The following EXOC4 variants were observed in gnomAD, a reference collection of about 807,000 sequenced individuals.
EXOC4 encodes exocyst complex component 4, also known as SEC8-like 1.
In EXOC4, 71 loss-of-function variants were observed where a neutral mutation model predicts 107.2. The observed-to-expected ratio is 0.66, with a 90% CI of 0.55 to 0.81. EXOC4 has a LOEUF of 0.81. Among genes scored for constraint, EXOC4 ranks in the 30% least tolerant of loss-of-function variants. The pLI is 0.00. For missense variants in EXOC4, 1,108 were observed against 1,189.6 expected, an observed-to-expected ratio of 0.93 and a Z score of 1.01; for synonymous variants, 456 against 441.2, an observed-to-expected ratio of 1.03 and a Z score of -0.42.
chr7:133,705,413 T>G (rs1429049894), intron 10 of EXOC4, among the ~76,000 whole-genome samples: 1 of 152,190 alleles, frequency 6.6e-6, no homozygotes, highest in Non-Finnish European at 1.5e-5. Context: ...TCTAAAATTA[T>G]AAATGTACTG....
chr7:133,464,818 T>G (rs1399139545), intron 7 of EXOC4, among the ~76,000 whole-genome samples: 16 of 116,306 alleles, frequency 1.4e-4, no homozygotes, highest in Admixed American at 8.2e-4. Flanking sequence ...TTGGTTTTTT[T>G]TTTTTTTTTT....
chr7:133,788,003 A>ATATATATATATATATATATATATATATT (rs1796624166), intron 10 of EXOC4, among the ~76,000 whole-genome samples: 1 of 96,906 alleles, frequency 1.0e-5, no homozygotes, highest in Non-Finnish European at 2.1e-5. Context: ...ATATATATAT[A>ATATATATATATATATATATATATATATT]TATATATATG....
chr7:134,050,592 G>T (rs914932203), intron 17 of EXOC4, among the ~76,000 whole-genome samples: 7 of 152,154 alleles, frequency 4.6e-5, no homozygotes, highest in Non-Finnish European at 8.8e-5. Context: ...GCTTCATAGA[G>T]GGTAGAGGAT....
intron 10 of EXOC4, among the ~76,000 whole-genome samples, chr7:133,671,854 A>C (rs1253709609): frequency 6.6e-6 from 1 of 152,210 alleles, no homozygotes. Flanking sequence ...GGAAGACTAC[A>C]GGAAGAAGCT....
chr7:133,614,524 T>C (rs1347588887), intron 9 of EXOC4, among the ~76,000 whole-genome samples: 2 of 152,006 alleles, frequency 1.3e-5, no homozygotes, highest in Non-Finnish European at 2.9e-5. Flanking sequence ...AATCAGGGAA[T>C]CATAAAGACC....
chr7:133,701,446 G>A (rs1258319277), intron 10 of EXOC4, among the ~76,000 whole-genome samples: 3 of 152,164 alleles, frequency 2.0e-5, no homozygotes, highest in Non-Finnish European at 4.4e-5. Flanking sequence ...GTGGGGCCTT[G>A]TTATGCTGGT....
intron 5 of EXOC4, among the ~76,000 whole-genome samples, chr7:133,339,773 T>C (rs548812887): frequency 2.6e-5 from 4 of 152,322 alleles, no homozygotes; most frequent in Admixed American, 2.0e-4. Context: ...TTTGCAGTTA[T>C]TGTAAAACAG....
chr7:133,697,431 T>C (rs1021905169), intron 10 of EXOC4, among the ~76,000 whole-genome samples: 1 of 152,170 alleles, frequency 6.6e-6, no homozygotes, highest in African/African-American at 2.4e-5. Flanking sequence ...GCATTGAAGG[T>C]TTTTAAAACT....
intron 4 of EXOC4, among the ~76,000 whole-genome samples, chr7:133,307,552 AAAGC>A (rs1794781218): frequency 6.6e-6 from 1 of 152,240 alleles, no homozygotes; most frequent in African/African-American, 2.4e-5. Flanking sequence ...AAATTTCTGT[AAAGC>A]AAGCAAGAAA....
intron 7 of EXOC4, among the ~76,000 whole-genome samples, chr7:133,469,647 ATATAT>A (rs1798822916): frequency 6.6e-6 from 1 of 152,202 alleles, no homozygotes; most frequent in Admixed American, 6.5e-5. Flanking sequence ...TATAAGGAAG[ATATAT>A]TAGATACTAT....
Position 133,670,879 on chromosome 7 carries a change from A to G in EXOC4, c.1514+40738A>G, listed in dbSNP as rs538086688. Among the ~76,000 whole-genome samples, 19 of 152,350 alleles carry G rather than the reference A, an allele frequency of 1.2e-4. No homozygotes were observed. In the South Asian group the frequency reaches 3.5e-3, roughly 28 times the overall value. ...GTGGACATTCTAATGGGAGGGGCAG[A>G]CAATAAGCAAATGTCAAATGCCTCA... On this transcript the variant is annotated intron_variant, in intron 10 of 17. Coordinates refer to ENST00000253861, the MANE Select transcript of EXOC4 (RefSeq NM_021807.4).
At chr7:133,565,624 AT>A (rs1353935210) in intron 9 of EXOC4, among the ~76,000 whole-genome samples, 1 of 152,202 alleles carries the variant, frequency 6.6e-6, no homozygotes, top group Non-Finnish European at 1.5e-5. Context: ...AATCTTTTAA[AT>A]ATGTCCCATG....
intron 7 of EXOC4, among the ~76,000 whole-genome samples, chr7:133,449,085 G>A (rs936613545): frequency 6.6e-6 from 1 of 152,160 alleles, no homozygotes; most frequent in Non-Finnish European, 1.5e-5. Flanking sequence ...TCCAGCCTGG[G>A]TGACAGTGAG....
At chr7:133,468,629 A>C (rs1014589607) in intron 7 of EXOC4, among the ~76,000 whole-genome samples, 1 of 152,024 alleles carries the variant, frequency 6.6e-6, no homozygotes, top group Non-Finnish European at 1.5e-5. Context: ...GACATCCTCC[A>C]TTGGGTAAGA....
chr7:133,291,347 ACAATTTCT>A lies in EXOC4; in HGVS notation c.471+2242_471+2249del, dbSNP rs368919148. Among the ~76,000 whole-genome samples the A allele has an allele frequency of 1.6e-4, 24 of 151,014 alleles. No individual in the cohort carries two copies. The East Asian group carries it at 4.6e-3, about 29-fold the overall frequency. On this transcript the variant is annotated intron_variant, in intron 3 of 17. Transcript: ENST00000253861. ...AAGAAATTAAAAATCGTAATGCAAA[ACAATTTCT>A]CAATTTCTCAGTATTTTTTGTTATG... is the stretch of plus-strand genomic sequence containing the variant.
intron 14 of EXOC4, among the ~76,000 whole-genome samples, chr7:133,994,804 A>G (rs1297583893): frequency 6.6e-6 from 1 of 151,702 alleles, no homozygotes; most frequent in African/African-American, 2.4e-5. Flanking sequence ...GTAATCTCAT[A>G]CCTTAACTGT....
intron 14 of EXOC4, among the ~76,000 whole-genome samples, chr7:133,982,179 A>G (rs1793999750): frequency 6.6e-6 from 1 of 152,218 alleles, no homozygotes; most frequent in Non-Finnish European, 1.5e-5. Context: ...GATAATCTGT[A>G]CAACAAACCC....
chr7:133,902,355 A>G (rs1799471560), intron 12 of EXOC4, among the ~76,000 whole-genome samples: 1 of 152,208 alleles, frequency 6.6e-6, no homozygotes, highest in South Asian at 2.1e-4. Flanking sequence ...TAACAAACAC[A>G]GTGGATCACT....
chr7:133,469,630 A>G (rs1227690849), intron 7 of EXOC4, among the ~76,000 whole-genome samples: 1 of 152,212 alleles, frequency 6.6e-6, no homozygotes, highest in African/African-American at 2.4e-5. Context: ...ATACTCATTT[A>G]AGCTATTATA....
Sources: gnomAD v4.1 joint callset for allele counts (sites outside exome capture counted in the v4.1 genomes callset) on GRCh38, gnomAD v4.1.1 for gene constraint, MANE v1.5 for transcripts, NCBI Gene and HGNC (gene_info 2026-07-23, HGNC 2026-07-21) for gene names.